FSTL5: variants seen among roughly 807,000 people sequenced by gnomAD.
The protein encoded by FSTL5 is follistatin like 5, also known as follistatin-related protein 5.
Under a neutral mutation model 89.1 loss-of-function variants are expected in FSTL5, and 62 were observed. The ratio of observed to expected loss-of-function variants is 0.70; its 90% CI spans 0.57 to 0.86. The LOEUF (loss-of-function observed/expected upper bound fraction) is 0.86, where lower values mean the gene tolerates loss of function less well. Ranked by LOEUF, FSTL5 falls within the 40% of genes least tolerant of loss-of-function variation. FSTL5 has a pLI of 0.00. For missense variants in FSTL5, 1,057 were observed against 1,001.6 expected (o/e 1.06, Z -0.75); for synonymous variants, 383 against 346.2 (o/e 1.11, Z -1.18).
intron 13 of FSTL5, among the ~76,000 whole-genome samples, chr4:161,472,212 C>T (rs1157959894): frequency 6.6e-6 from 1 of 152,076 alleles, no homozygotes; most frequent in African/African-American, 2.4e-5. Flanking sequence ...CTCCTGACCT[C>T]GTGATCTGCC....
intron 7 of FSTL5, among the ~76,000 whole-genome samples, chr4:161,597,982 T>A (rs1230945754): frequency 1.3e-5 from 2 of 152,180 alleles, no homozygotes; most frequent in Admixed American, 1.3e-4. Context: ...AAAGAGTATC[T>A]TACTCAGTTG....
intron 6 of FSTL5, among the ~76,000 whole-genome samples, chr4:161,678,048 A>G (rs13146463): frequency 0.35 from 53,121 of 151,558 alleles, 9,580 homozygotes; most frequent in Middle Eastern, 0.52. Context: ...AAAAAATAAT[A>G]AACAAAAACT....
intron 7 of FSTL5, among the ~76,000 whole-genome samples, chr4:161,612,951 A>G (rs1016862232): frequency 6.7e-6 from 1 of 150,324 alleles, no homozygotes; most frequent in East Asian, 2.0e-4. Context: ...TTTTTTTTTT[A>G]CTAGTTTAAC....
intron 4 of FSTL5, among the ~76,000 whole-genome samples, chr4:161,830,455 T>C (rs1730809585): frequency 6.6e-6 from 1 of 152,060 alleles, no homozygotes; most frequent in African/African-American, 2.4e-5. Context: ...AAGATTTTGA[T>C]TAAAAATGAA....
intron 6 of FSTL5, among the ~76,000 whole-genome samples, chr4:161,735,791 G>C (rs76630145): frequency 0.016 from 2,367 of 152,080 alleles, 58 homozygotes; most frequent in South Asian, 0.07. Flanking sequence ...GTACAGACTC[G>C]CCAGGATATT....
At chr4:161,401,801 A>C (rs1731189461) in intron 15 of FSTL5, among the ~76,000 whole-genome samples, 1 of 152,174 alleles carries the variant, frequency 6.6e-6, no homozygotes, top group Non-Finnish European at 1.5e-5. Context: ...TGCTGGGATT[A>C]CAGGCATGAG....
chr4:161,680,709 ATT>A (rs536123136), intron 6 of FSTL5, among the ~76,000 whole-genome samples: 3 of 151,546 alleles, frequency 2.0e-5, no homozygotes, highest in Admixed American at 6.6e-5. Context: ...AGTAAAATAT[ATT>A]TTTTTATATG....
At chr4:161,837,170 T>G (rs931581580) in intron 4 of FSTL5, among the ~76,000 whole-genome samples, 3 of 151,942 alleles carry the variant, frequency 2.0e-5, no homozygotes, top group African/African-American at 7.3e-5. Context: ...TCAACAGAAG[T>G]GAAGTTGAGG....
At chr4:161,506,612 T>C (rs555060848) in intron 11 of FSTL5, among the ~76,000 whole-genome samples, 137 of 152,246 alleles carry the variant, frequency 9.0e-4, no homozygotes, top group African/African-American at 3.2e-3. Context: ...TGAACCACAC[T>C]TAGAAGCTGT....
At chr4:161,667,108 C>T (rs1736927930) in intron 6 of FSTL5, among the ~76,000 whole-genome samples, 1 of 151,996 alleles carries the variant, frequency 6.6e-6, no homozygotes, top group African/African-American at 2.4e-5. Context: ...TAGTGAATCT[C>T]ATTTTATTTT....
intron 7 of FSTL5, among the ~76,000 whole-genome samples, chr4:161,607,092 G>C (rs577992518): frequency 2.0e-5 from 3 of 152,148 alleles, no homozygotes; most frequent in Non-Finnish European, 2.9e-5. Context: ...ACTGACAGTT[G>C]GTTTCACAAA....
chr4:162,034,676 G>A (rs1351455601), intron 2 of FSTL5, among the ~76,000 whole-genome samples: 2 of 152,066 alleles, frequency 1.3e-5, no homozygotes, highest in Admixed American at 6.6e-5. Flanking sequence ...TTCGAAATAT[G>A]TTCCTAAGAA....
intron 2 of FSTL5, among the ~76,000 whole-genome samples, chr4:162,100,974 C>T (rs28404315): frequency 0.22 from 33,546 of 152,068 alleles, 4,299 homozygotes; most frequent in East Asian, 0.41. Context: ...TTGTTGGGTG[C>T]TTCTACTTAC....
At chr4:162,106,218 G>A (rs1731220604) in intron 2 of FSTL5, among the ~76,000 whole-genome samples, 1 of 152,144 alleles carries the variant, frequency 6.6e-6, no homozygotes, top group African/African-American at 2.4e-5. Context: ...AGAACCATAA[G>A]TCAATTTAGA....
intron 6 of FSTL5, among the ~76,000 whole-genome samples, chr4:161,659,692 C>T (rs1354644837): frequency 6.6e-6 from 1 of 152,106 alleles, no homozygotes; most frequent in African/African-American, 2.4e-5. Context: ...ATATCTATTA[C>T]TGTAAATTGC....
chr4:161,634,385 T>G (rs2126659531), intron 7 of FSTL5, among the ~76,000 whole-genome samples: 1 of 152,344 alleles, frequency 6.6e-6, no homozygotes, highest in East Asian at 1.9e-4. Flanking sequence ...ACCTCACTAC[T>G]GAATTTGTAT....
At chr4:161,509,887 TAAC>T (rs1730597351) in intron 11 of FSTL5, among the ~76,000 whole-genome samples, 2 of 152,174 alleles carry the variant, frequency 1.3e-5, no homozygotes, top group Admixed American at 6.5e-5. Flanking sequence ...AAAGAACTGA[TAAC>T]AACCCTACTG....
chr4:162,121,630 C>T (rs533335995), intron 1 of FSTL5, among the ~76,000 whole-genome samples: 2 of 152,028 alleles, frequency 1.3e-5, no homozygotes, highest in East Asian at 3.9e-4. Context: ...CTAATATGGC[C>T]AAAATAATGT....
At chr4:161,470,836 T>G (rs149993828) in intron 13 of FSTL5, among the ~76,000 whole-genome samples, 39 of 152,352 alleles carry the variant, frequency 2.6e-4, no homozygotes, top group African/African-American at 8.2e-4. Flanking sequence ...ATTTTACTCT[T>G]TATTATGCTA....
Sources: allele counts gnomAD v4.1 joint callset (sites outside exome capture counted in the v4.1 genomes callset), GRCh38; gene constraint gnomAD v4.1.1; transcripts MANE v1.5; gene names NCBI Gene and HGNC (gene_info 2026-07-23, HGNC 2026-07-21).